Variants in ROBO1 observed in about 807,000 individuals in gnomAD.
ROBO1 encodes roundabout guidance receptor 1.
Under a neutral mutation model 195.9 loss-of-function variants are expected in ROBO1, and 149 were observed. That is an observed-to-expected ratio of 0.76 (90% CI 0.67 to 0.87). The LOEUF is 0.87. ROBO1 is among the 40% of genes least tolerant of loss of function. The pLI, the probability that ROBO1 is intolerant of heterozygous loss-of-function variation, is 0.00. For missense variants in ROBO1, 1,933 were observed against 2,068.3 expected (o/e 0.93, Z 1.27); for synonymous variants, 816 against 733.2 (o/e 1.11, Z -1.82).
chr3:78,902,958 A>C (rs2037674598), intron 4 of ROBO1, among the ~76,000 whole-genome samples: 1 of 152,214 alleles, frequency 6.6e-6, no homozygotes, highest in Admixed American at 6.5e-5. Flanking sequence ...ATTTATTTTC[A>C]CACCTAAGCC....
chr3:78,975,739 G>A (rs1299047509), intron 3 of ROBO1, among the ~76,000 whole-genome samples: 2 of 152,148 alleles, frequency 1.3e-5, no homozygotes, highest in Non-Finnish European at 1.5e-5. Flanking sequence ...TGTTGAATAT[G>A]TGATTACATA....
At chr3:79,375,424 G>A (rs1406650244) in intron 2 of ROBO1, among the ~76,000 whole-genome samples, 1 of 152,184 alleles carries the variant, frequency 6.6e-6, no homozygotes, top group Non-Finnish European at 1.5e-5. Context: ...ATTAGACAGA[G>A]GAGTGGACAT....
chr3:78,913,659 T>A (rs1042654823), intron 4 of ROBO1, among the ~76,000 whole-genome samples: 1 of 152,150 alleles, frequency 6.6e-6, no homozygotes, highest in African/African-American at 2.4e-5. Context: ...TCTTACGGTG[T>A]TACGTGTATT....
intron 1 of ROBO1, among the ~76,000 whole-genome samples, chr3:79,733,514 C>A (rs1703244143): frequency 6.6e-6 from 1 of 152,184 alleles, no homozygotes; most frequent in South Asian, 2.1e-4. Context: ...AGACCCCACT[C>A]ACCCATGTAA....
intron 3 of ROBO1, among the ~76,000 whole-genome samples, chr3:79,056,554 A>T (rs1180638769): frequency 6.6e-6 from 1 of 152,080 alleles, no homozygotes. Flanking sequence ...ACTTTAAAGG[A>T]CTTCCAAAAA....
chr3:79,543,395 AG>A (rs976225456), intron 2 of ROBO1, among the ~76,000 whole-genome samples: 4 of 152,036 alleles, frequency 2.6e-5, no homozygotes, highest in Admixed American at 1.3e-4. Flanking sequence ...TGCCTTGCAC[AG>A]GGGTATGAAA....
At chr3:78,732,277 A>G (rs1576042929) in intron 5 of ROBO1, among the ~76,000 whole-genome samples, 1 of 152,098 alleles carries the variant, frequency 6.6e-6, no homozygotes, top group East Asian at 1.9e-4. Flanking sequence ...CTGGAAGAAC[A>G]AATAGGTGCT....
chr3:79,307,480 C>G (rs2033276887), intron 2 of ROBO1, among the ~76,000 whole-genome samples: 1 of 152,054 alleles, frequency 6.6e-6, no homozygotes, highest in East Asian at 1.9e-4. Context: ...CTGAAATAAA[C>G]TGCACATTTC....
intron 27 of ROBO1, among the ~76,000 whole-genome samples, chr3:78,616,953 G>T (rs1704147156): frequency 1.3e-5 from 2 of 152,196 alleles, no homozygotes; most frequent in African/African-American, 4.8e-5. Flanking sequence ...TACTAGCAAT[G>T]AAAGTAAAAA....
chr3:78,653,636 C>T (rs137974261), intron 18 of ROBO1, among the ~76,000 whole-genome samples: 25 of 152,278 alleles, frequency 1.6e-4, no homozygotes, highest in Non-Finnish European at 2.9e-4. Flanking sequence ...CGTTATTTCA[C>T]GTGTTTTTGT....
chr3:78,629,833 G>A (rs1280671921), intron 25 of ROBO1, among the ~76,000 whole-genome samples: 2 of 152,098 alleles, frequency 1.3e-5, no homozygotes, highest in Non-Finnish European at 2.9e-5. Context: ...CCAAAAATTT[G>A]AGCGCCTGAT....
At chr3:79,273,751 A>G (rs1411906338) in intron 2 of ROBO1, among the ~76,000 whole-genome samples, 1 of 150,836 alleles carries the variant, frequency 6.6e-6, no homozygotes, top group Non-Finnish European at 1.5e-5. Context: ...ACAATCTGTT[A>G]TCAACAAGAA....
At chr3:79,761,054 A>C (rs1704671942) in intron 1 of ROBO1, among the ~76,000 whole-genome samples, 1 of 148,478 alleles carries the variant, frequency 6.7e-6, no homozygotes, top group Non-Finnish European at 1.5e-5. Flanking sequence ...TATATACTAT[A>C]ATATATATGC....
chr3:79,570,055 C>T (rs529368650), intron 2 of ROBO1, among the ~76,000 whole-genome samples: 2 of 151,914 alleles, frequency 1.3e-5, no homozygotes, highest in African/African-American at 2.4e-5. Flanking sequence ...GAGCCAAGAT[C>T]GCATGACTGC....
chr3:79,584,723 G>A (rs1472197046), intron 2 of ROBO1, among the ~76,000 whole-genome samples: 1 of 150,556 alleles, frequency 6.6e-6, no homozygotes, highest in African/African-American at 2.4e-5. Context: ...TGTGGGGAAT[G>A]TGATTAGAGA....
chr3:79,154,551 A>G (rs2108646710), intron 2 of ROBO1, among the ~76,000 whole-genome samples: 1 of 151,922 alleles, frequency 6.6e-6, no homozygotes, highest in East Asian at 1.9e-4. Flanking sequence ...TTTGCAAATG[A>G]ATAAGTAAAG....
chr3:79,604,397 T>C (rs1343880772), intron 1 of ROBO1, among the ~76,000 whole-genome samples: 1 of 152,054 alleles, frequency 6.6e-6, no homozygotes, highest in African/African-American at 2.4e-5. Context: ...AAATGTGAAA[T>C]ATTATGAAGT....
intron 4 of ROBO1, among the ~76,000 whole-genome samples, chr3:78,909,114 T>C (rs2038093138): frequency 1.3e-5 from 2 of 151,896 alleles, no homozygotes; most frequent in Non-Finnish European, 2.9e-5. Context: ...TGGTGACTTA[T>C]GGAGCTCTCC....
At chr3:78,766,124 C>CTGAATAAA (rs1430204845) in intron 4 of ROBO1, among the ~76,000 whole-genome samples, 1 of 152,108 alleles carries the variant, frequency 6.6e-6, no homozygotes, top group Admixed American at 6.6e-5. Context: ...AAATGCCGGC[C>CTGAATAAA]TGAATAAATT....
Sources: allele counts gnomAD v4.1 joint callset (sites outside exome capture counted in the v4.1 genomes callset), GRCh38; gene constraint gnomAD v4.1.1; transcripts MANE v1.5; gene names NCBI Gene and HGNC (gene_info 2026-07-23, HGNC 2026-07-21).